PRKN: variants seen among roughly 807,000 people sequenced by gnomAD.
PRKN encodes the protein parkin RBR E3 ubiquitin protein ligase.
Under a neutral mutation model 59.5 loss-of-function variants are expected in PRKN, and 56 were observed. That is an observed-to-expected ratio of 0.94 (90% CI 0.76 to 1.18). The LOEUF (loss-of-function observed/expected upper bound fraction) is 1.18, where lower values mean the gene tolerates loss of function less well. Among genes scored for constraint, PRKN ranks in the 50% most tolerant of loss-of-function variants. The probability of loss-of-function intolerance (pLI) is 0.00; values close to 1 mark genes in which losing one functional copy is unlikely to be tolerated. For missense variants in PRKN, 657 were observed against 596.4 expected, an observed-to-expected ratio of 1.10 and a Z score of -1.06; for synonymous variants, 250 against 222.1, an observed-to-expected ratio of 1.13 and a Z score of -1.12.
At chr6:161,749,047 G>T (rs1256742560) in intron 7 of PRKN, among the ~76,000 whole-genome samples, 1 of 152,178 alleles carries the variant, frequency 6.6e-6, no homozygotes, top group Admixed American at 6.5e-5. Context: ...AAACCAAGGG[G>T]AGGGGGTCCT....
chr6:162,011,055 A>AT (rs1390210154), intron 5 of PRKN, among the ~76,000 whole-genome samples: 142 of 12,244 alleles, frequency 0.012, 38 homozygotes, highest in African/African-American at 0.067. Flanking sequence ...TATAATATAT[A>AT]TTATAATATA....
intron 7 of PRKN, among the ~76,000 whole-genome samples, chr6:161,702,537 G>T (rs989719057): frequency 7.9e-5 from 12 of 152,060 alleles, no homozygotes; most frequent in Non-Finnish European, 1.5e-4. Flanking sequence ...TGAGAGAATG[G>T]GGGGAGGGGG....
At position 161,746,569 on chromosome 6, in the gene PRKN, A is replaced by T. The variant is rs867707265; in HGVS notation, c.871+39203T>A. Among the ~76,000 whole-genome samples the T allele has an allele frequency of 2.8e-4, 40 of 141,486 alleles. No homozygotes were observed. In the South Asian group the frequency reaches 7.7e-3, roughly 27 times the overall value. 92.8% of individuals were successfully genotyped at this position (141,486 alleles called of 152,430 possible). A position where few individuals can be genotyped will look rare whatever the true frequency, so the allele number is the denominator to read the frequency against. ...TTTATCTATTTTTTTATATATATAT[A>T]TTTATATATATATATATACACACAC... On this transcript the variant is annotated intron_variant, in intron 7 of 11. Coordinates refer to ENST00000366898, the MANE Select transcript of PRKN (RefSeq NM_004562.3).
rs529816719 is a variant in PRKN, at chr6:162,074,949, G to A, written c.535-20775C>T. Among the ~76,000 whole-genome samples, 68 of 152,090 alleles carry A rather than the reference G, an allele frequency of 4.5e-4. 1 individual carries two copies. The highest frequency in any genetic ancestry group is 2.5e-3 in the Admixed American group (38 of 15,270). On this transcript the variant is annotated intron_variant, in intron 4 of 11. Transcript: ENST00000366898. ...CAGCAGTGATTTTTTTTGTTGTTCC[G>A]TTTCATAGAATTTAAACAATGGAGA... is the stretch of plus-strand genomic sequence containing the variant.
intron 4 of PRKN, among the ~76,000 whole-genome samples, chr6:162,150,416 CT>C (rs1295730689): frequency 6.6e-6 from 1 of 152,184 alleles, no homozygotes; most frequent in Non-Finnish European, 1.5e-5. Context: ...AGGGCAGAAT[CT>C]TCCTCTGCTC....
At chr6:162,683,094 TG>T (rs1779833315) in intron 1 of PRKN, among the ~76,000 whole-genome samples, 1 of 152,190 alleles carries the variant, frequency 6.6e-6, no homozygotes, top group African/African-American at 2.4e-5. Context: ...CGCATTATTA[TG>T]AATGCAAAAC....
At chr6:162,045,381 T>C (rs1243664824) in intron 5 of PRKN, among the ~76,000 whole-genome samples, 2 of 152,082 alleles carry the variant, frequency 1.3e-5, no homozygotes, top group African/African-American at 4.8e-5. Flanking sequence ...AAACCCTGAG[T>C]ATTAAGGGGA....
chr6:162,345,383 G>T (rs895839521), intron 2 of PRKN, among the ~76,000 whole-genome samples: 2 of 152,196 alleles, frequency 1.3e-5, no homozygotes, highest in African/African-American at 2.4e-5. Context: ...ATAGCAACAA[G>T]TATGCATCCT....
At chr6:162,316,191 T>C (rs1233246635) in intron 2 of PRKN, among the ~76,000 whole-genome samples, 3 of 151,648 alleles carry the variant, frequency 2.0e-5, no homozygotes, top group East Asian at 3.9e-4. Context: ...ACAAGATGTA[T>C]AGGACCATGA....
chr6:161,531,601 A>C (rs1252281186), intron 9 of PRKN, among the ~76,000 whole-genome samples: 2 of 151,976 alleles, frequency 1.3e-5, no homozygotes, highest in East Asian at 3.9e-4. Context: ...AAAGGAGAAG[A>C]TTTTCTCTTT....
In PRKN at chr6:161,360,277, A is replaced by AC; in HGVS notation, c.1168-73dup. The AC allele has an allele frequency of 8.3e-7, 1 of 1,211,644 alleles. No individual in the cohort carries two copies. The highest frequency in any genetic ancestry group is 1.2e-6 in the Non-Finnish European group (1 of 812,498). The allele number at this position is 1,211,644 out of a possible 1,614,324, so 75.1% of individuals were successfully genotyped here. ...TGGGATCAGAGTTTATGTTCCCTGT[A>AC]CGTCGGTACAGGAAATTCTTGAAGA... On this transcript the variant is annotated intron_variant, in intron 10 of 11. Transcript: ENST00000366898. The surrounding 1 kb of genome is among the most constrained non-coding windows in gnomAD (Gnocchi z 5.1).
rs985683231 is a variant in PRKN at position 161,466,035 on chromosome 6, C to T, written c.1084-79158G>A. Reference sequence around the variant, plus strand: ...TAATAATTACAATCAAATTAATCAACACTTCTATCACCACACATAGTTATC... The same window carrying T: ...TAATAATTACAATCAAATTAATCAATACTTCTATCACCACACATAGTTATC... On this transcript the variant is annotated intron_variant, in intron 9 of 11. Coordinates refer to ENST00000366898, the MANE Select transcript of PRKN (RefSeq NM_004562.3). This position sits in a 1 kb window ranked among gnomAD's most constrained non-coding sequence, Gnocchi z 5.0. Among the ~76,000 whole-genome samples the T allele has an allele frequency of 6.6e-6, 1 of 151,560 alleles. No homozygotes were observed. The highest frequency in any genetic ancestry group is 1.9e-4 in the East Asian group (1 of 5,198).
At chr6:162,038,975 A>G (rs1364591423) in intron 5 of PRKN, among the ~76,000 whole-genome samples, 1 of 152,046 alleles carries the variant, frequency 6.6e-6, no homozygotes, top group Non-Finnish European at 1.5e-5. Context: ...TAACAGTGTG[A>G]AACCCCGTCT....
At chr6:162,555,822 C>A (rs980711061) in intron 1 of PRKN, among the ~76,000 whole-genome samples, 7 of 151,898 alleles carry the variant, frequency 4.6e-5, no homozygotes, top group Non-Finnish European at 7.4e-5. Context: ...AAAACCCAGT[C>A]TCTACTAAAA....
At chr6:162,480,239 G>A (rs1325960715) in intron 1 of PRKN, among the ~76,000 whole-genome samples, 1 of 152,126 alleles carries the variant, frequency 6.6e-6, no homozygotes, top group African/African-American at 2.4e-5. Flanking sequence ...GGAACGCATT[G>A]TACTAGGATG....
At chr6:162,123,026 T>C (rs1353116161) in intron 4 of PRKN, among the ~76,000 whole-genome samples, 1 of 149,062 alleles carries the variant, frequency 6.7e-6, no homozygotes, top group Non-Finnish European at 1.5e-5. Context: ...AAAAAAAAGT[T>C]GAGACTGGTA....
In PRKN at chr6:161,511,975, G is replaced by A. The variant is rs1021209143; in HGVS notation, c.1083+36879C>T. Among the ~76,000 whole-genome samples, 2 of 152,170 alleles carry A rather than the reference G, an allele frequency of 1.3e-5. 1 individual carries two copies. The highest frequency in any genetic ancestry group is 4.1e-4 in the South Asian group (2 of 4,832). ...GGGTTCAGCCAAGGCTCAGGCCCAC[G>A]TTTCCCCCTAACACAGACACACATG... On this transcript the variant is annotated intron_variant, in intron 9 of 11. Coordinates refer to ENST00000366898, the MANE Select transcript of PRKN (RefSeq NM_004562.3).
At chr6:161,785,674 T>C in intron 7 of PRKN, 98 bp downstream of exon 7, 1 of 1,131,512 alleles carries the variant, frequency 8.8e-7, no homozygotes, top group East Asian at 2.5e-5. Flanking sequence ...TAAATTCTTC[T>C]GCTAGGGTTT....
intron 9 of PRKN, among the ~76,000 whole-genome samples, chr6:161,453,627 G>A (rs1789838432): frequency 6.6e-6 from 1 of 152,136 alleles, no homozygotes. Flanking sequence ...GGCCCGCCCT[G>A]TAGGATTCAG....
Sources: allele counts gnomAD v4.1 joint callset (sites outside exome capture counted in the v4.1 genomes callset), GRCh38; gene constraint gnomAD v4.1.1; non-coding constraint Gnocchi (gnomAD v3.1); transcripts MANE v1.5; gene names NCBI Gene and HGNC (gene_info 2026-07-23, HGNC 2026-07-21).